Variants in BRCA2 observed in about 807,000 individuals in gnomAD.
The protein encoded by BRCA2 is BRCA2 DNA repair associated, also known as breast cancer type 2 susceptibility protein.
Under a neutral mutation model 276.7 loss-of-function variants are expected in BRCA2, and 203 were observed. That is an observed-to-expected ratio of 0.73 (90% CI 0.65 to 0.82). The LOEUF (loss-of-function observed/expected upper bound fraction) is 0.82. Ranked by LOEUF, BRCA2 falls within the 40% of genes least tolerant of loss-of-function variation. BRCA2 has a pLI of 0.00. For synonymous variants in BRCA2, 1,289 were observed against 1,338.4 expected (o/e 0.96, Z 0.81); for missense variants, 3,920 against 3,915.0 (o/e 1.00, Z -0.03).
chr13:32,396,577 G>C (rs2073038289), intron 25 of BRCA2, among the ~76,000 whole-genome samples: 1 of 152,162 alleles, frequency 6.6e-6, no homozygotes, highest in Non-Finnish European at 1.5e-5. Flanking sequence ...AATAGAGCTA[G>C]GACTTGAGCC....
chr13:32,393,091 C>CA, intron 24 of BRCA2, among the ~76,000 whole-genome samples: 1 of 152,308 alleles, frequency 6.6e-6, no homozygotes. Context: ...CTCAGTACAT[C>CA]ATATCAAGGG....
At chr13:32,335,160 A>G (rs933301718) in intron 10 of BRCA2, among the ~76,000 whole-genome samples, 1 of 152,148 alleles carries the variant, frequency 6.6e-6, no homozygotes, top group Non-Finnish European at 1.5e-5. Flanking sequence ...CCTGGCCAAC[A>G]TGGTAAAACC....
chr13:32,328,816 T>G (rs762046533), intron 7 of BRCA2, among the ~76,000 whole-genome samples: 6 of 152,202 alleles, frequency 3.9e-5, no homozygotes. Flanking sequence ...ACAGTAAAGT[T>G]TGTTTTGTAA....
In BRCA2 at chr13:32,394,682, A is replaced by G. The variant is rs1225909045; in HGVS notation, c.9257-7A>G. ...AATAACATTCTTTTCTTTTTTTTCC[A>G]TTCTAGGACTTGCCCCTTTCGTCTA... On this transcript the variant is annotated splice_polypyrimidine_tract_variant and splice_region_variant and intron_variant, in intron 24 of 26. Transcript: ENST00000380152. 1.2e-6 allele frequency: 2 copies of G among 1,610,968 alleles called. No individual in the cohort carries two copies. Among genetic ancestry groups the G allele is most frequent in the African/African-American group, 1.3e-5 (1 of 74,704 alleles).
At chr13:32,366,633 C>A (rs1488388125) in intron 18 of BRCA2, among the ~76,000 whole-genome samples, 1 of 151,928 alleles carries the variant, frequency 6.6e-6, no homozygotes, top group Non-Finnish European at 1.5e-5. Flanking sequence ...ACCAGCCTGG[C>A]CAACATGGTG....
At chr13:32,319,536 C>T (rs1370197269) in intron 3 of BRCA2, among the ~76,000 whole-genome samples, 7 of 152,158 alleles carry the variant, frequency 4.6e-5, no homozygotes, top group Non-Finnish European at 1.0e-4. Context: ...AGTAAATGTT[C>T]TCTTTCATCC....
chr13:32,356,152 C>G (rs1417631474), intron 14 of BRCA2, among the ~76,000 whole-genome samples: 1 of 151,642 alleles, frequency 6.6e-6, no homozygotes, highest in African/African-American at 2.4e-5. Flanking sequence ...AAGTGATTCT[C>G]CTGCCTCAGC....
rs879255443 is a variant in BRCA2 at position 32,336,637 on chromosome 13, A to G, written c.2282A>G (p.Tyr761Cys). Residue 761 changes from tyrosine to cysteine, a missense_variant, in exon 11 of 27, where the codon TAT (tyrosine) becomes TGT (cysteine). Tyr to Cys is a radical substitution (Grantham distance 194, BLOSUM62 -2). Around this residue, in one of 2 missense-constraint regions of BRCA2, gnomAD observed 3,263 missense variants for 3,156.9 expected, o/e 1.03. Transcript: ENST00000380152. ...TDFQSQKSLL[Y>C]DHENASTLIL... Reference sequence around the variant, plus strand: ...TTTCAATCCCAGAAAAGTCTTTTATATGATCATGAAAATGCCAGCACTCTT... The same window carrying G: ...TTTCAATCCCAGAAAAGTCTTTTATGTGATCATGAAAATGCCAGCACTCTT... 4 of 1,614,110 alleles carry G rather than the reference A, an allele frequency of 2.5e-6. No individual in the cohort carries two copies. Among genetic ancestry groups the G allele is most frequent in the South Asian group, 1.1e-5 (1 of 91,070 alleles).
At chr13:32,358,351 C>T (rs1449462426) in intron 16 of BRCA2, among the ~76,000 whole-genome samples, 1 of 151,482 alleles carries the variant, frequency 6.6e-6, no homozygotes, top group African/African-American at 2.4e-5. Flanking sequence ...TGGCAGGCAC[C>T]TGTAATCCCG....
chr13:32,342,061 C>A (rs1326537943), intron 11 of BRCA2, among the ~76,000 whole-genome samples: 1 of 152,092 alleles, frequency 6.6e-6, no homozygotes, highest in Non-Finnish European at 1.5e-5. Flanking sequence ...CACCTGAGGT[C>A]AGGAGTTTGA....
At chr13:32,316,289 A>G in intron 1 of BRCA2, 133 bp from the exon 2 acceptor site, 1 of 681,542 alleles carries the variant, frequency 1.5e-6, no homozygotes, top group Non-Finnish European at 2.7e-6. Flanking sequence ...TCCTCACAGT[A>G]AGCTGTTACC....
chr13:32,318,435 A>G (rs1376937941), intron 2 of BRCA2, among the ~76,000 whole-genome samples: 1 of 151,450 alleles, frequency 6.6e-6, no homozygotes, highest in Non-Finnish European at 1.5e-5. Flanking sequence ...TATCTGTGGA[A>G]TGTATTTTTT....
In BRCA2 at chr13:32,370,512, T is replaced by C. The variant is rs1131692106; in HGVS notation, c.8442T>C (p.Asn2814=). The part of the protein sequence containing the change: ...PLSSLFSDGG[N]VGCVDVIIQR... ...CATCGCTTTTCAGTGATGGAGGAAA[T>C]GTTGGTTGTGTTGATGTAATTATTC... The change falls in exon 19 of 27, where the codon AAT becomes AAC. Residue 2814 remains asparagine, a synonymous_variant. Transcript: ENST00000380152. 6.2e-7 allele frequency: 1 copy of C among 1,613,920 alleles called. No individual in the cohort carries two copies.
chr13:32,347,091 G>C (rs2072617256), intron 13 of BRCA2, among the ~76,000 whole-genome samples, 195 bp downstream of exon 13: 1 of 151,980 alleles, frequency 6.6e-6, no homozygotes, highest in South Asian at 2.1e-4. Flanking sequence ...TTTTATGACA[G>C]CTTTGTAAAG....
At chr13:32,394,654 T>C in intron 24 of BRCA2, 35 bp from the exon 25 acceptor site, 1 of 1,600,460 alleles carries the variant, frequency 6.2e-7, no homozygotes, top group Non-Finnish European at 8.5e-7. Context: ...CTAACACATC[T>C]ATAATAACAT....
At chr13:32,365,370 C>G (rs1375847713) in intron 18 of BRCA2, among the ~76,000 whole-genome samples, 1 of 151,542 alleles carries the variant, frequency 6.6e-6, no homozygotes, top group Non-Finnish European at 1.5e-5. Context: ...ATTGTTTTGT[C>G]TTTATTTTTA....
At chr13:32,373,233 T>A (rs1205743980) in intron 20 of BRCA2, among the ~76,000 whole-genome samples, 1 of 149,508 alleles carries the variant, frequency 6.7e-6, no homozygotes, top group African/African-American at 2.5e-5. Flanking sequence ...CCTCGCTGGG[T>A]GGGGTGTCTC....
Position 32,326,533 on chromosome 13 carries a change from T to G in BRCA2, c.551T>G (p.Leu184Arg). Residue 184 changes from leucine (L) to arginine (R), a missense_variant, in exon 7 of 27, where the codon CTA becomes CGA. Leu to Arg is a moderately radical substitution (Grantham distance 102, BLOSUM62 -2). Around this residue, in one of 2 missense-constraint regions of BRCA2, gnomAD observed 3,263 missense variants for 3,156.9 expected, o/e 1.03. Coordinates refer to ENST00000380152, the MANE Select transcript of BRCA2 (RefSeq NM_000059.4). Reference protein sequence around the residue: ...RQTPKHISESLGAEVDPDMSW... With the variant: ...RQTPKHISESRGAEVDPDMSW... ...ACACCAAAACATATTTCTGAAAGTCTAGGAGCTGAGGTGGATCCTGATATG... is the reference window on the plus strand; with the variant it reads ...ACACCAAAACATATTTCTGAAAGTCGAGGAGCTGAGGTGGATCCTGATATG... 1 of 1,613,974 alleles carries G rather than the reference T, an allele frequency of 6.2e-7. No individual in the cohort carries two copies. The highest frequency in any genetic ancestry group is 8.5e-7 in the Non-Finnish European group (1 of 1,179,846).
At chr13:32,356,883 A>C (rs1054663032) in intron 15 of BRCA2, among the ~76,000 whole-genome samples, 2 of 152,190 alleles carry the variant, frequency 1.3e-5, no homozygotes, top group Admixed American at 6.5e-5. Context: ...GCTCTCAGCT[A>C]GGTGTTAAAG....
Sources: gnomAD v4.1 joint callset for allele counts (sites outside exome capture counted in the v4.1 genomes callset) on GRCh38, gnomAD v4.1.1 for gene constraint, gnomAD v4.1.1 regional missense constraint, MANE v1.5 for transcripts, NCBI Gene and HGNC (gene_info 2026-07-23, HGNC 2026-07-21) for gene names.